The following MYH11 variants were observed in gnomAD, a reference collection of about 807,000 sequenced individuals.
MYH11 encodes the protein myosin-11.
MYH11 carries 80 observed loss-of-function variants against 246.6 expected under a neutral mutation model. The observed-to-expected ratio is 0.32, with a 90% confidence interval of 0.27 to 0.39. The LOEUF (loss-of-function observed/expected upper bound fraction) is 0.39. Ranked by LOEUF, MYH11 falls within the 10% of genes least tolerant of loss-of-function variation. MYH11 has a pLI of 1.00. For missense variants in MYH11, 2,158 were observed against 2,546.8 expected (o/e 0.85, Z 3.29); for synonymous variants, 1,071 against 1,015.5 (o/e 1.05, Z -1.04).
At chr16:15,778,745 G>T in intron 7 of MYH11, 35 bp downstream of exon 7, 4 of 1,604,652 alleles carry the variant, frequency 2.5e-6, no homozygotes, top group Non-Finnish European at 3.4e-6. Context: ...AGGGGGCAGG[G>T]GTACCCATTT....
intron 40 of MYH11, chr16:15,713,408 A>AAAGTGAAAAGCAGCAG (rs897533042): frequency 2.0e-5 from 3 of 152,228 alleles, no homozygotes; most frequent in African/African-American, 7.2e-5. Flanking sequence ...GTTCAAAGAA[A>AAAGTGAAAAGCAGCAG]AAGTGAAAAG....
At chr16:15,735,867 C>T (rs1394660020) in intron 25 of MYH11, among the ~76,000 whole-genome samples, 1 of 152,260 alleles carries the variant, frequency 6.6e-6, no homozygotes, top group Non-Finnish European at 1.5e-5. Flanking sequence ...TGACCCCAGA[C>T]TGGCAAGGTA....
chr16:15,762,996 A>G (rs999762635), intron 10 of MYH11, among the ~76,000 whole-genome samples: 7 of 152,198 alleles, frequency 4.6e-5, no homozygotes, highest in African/African-American at 1.7e-4. Context: ...GCTTCTCAAA[A>G]CACAAAATAC....
At chr16:15,811,109 G>A (rs150378918) in intron 3 of MYH11, among the ~76,000 whole-genome samples, 2 of 152,272 alleles carry the variant, frequency 1.3e-5, no homozygotes, top group Non-Finnish European at 2.9e-5. Context: ...GAGAGACCCA[G>A]AGAGCTAGCA....
intron 3 of MYH11, among the ~76,000 whole-genome samples, chr16:15,814,553 C>CAAAAAAAAAAAAAAAAAAAA (rs58806731): frequency 2.6e-4 from 6 of 22,822 alleles, no homozygotes; most frequent in East Asian, 3.0e-3. Context: ...AACTCCATCT[C>CAAAAAAAAAAAAAAAAAAAA]AAAAAAAAAA....
chr16:15,826,142 GTTCATTCATTCATTCATTCA>G (rs112786889), intron 2 of MYH11, among the ~76,000 whole-genome samples: 1 of 150,920 alleles, frequency 6.6e-6, no homozygotes, highest in Non-Finnish European at 1.5e-5. Flanking sequence ...CTGATCGTTC[GTTCATTCATTCATTCATTCA>G]TTCATTCATT....
rs146695946 is a variant in MYH11, at chr16:15,786,678, C to A, written c.585G>T (p.Leu195=). 2 of 1,614,148 alleles carry A rather than the reference C, an allele frequency of 1.2e-6. No individual in the cohort carries two copies. Among genetic ancestry groups the A allele is most frequent in the Non-Finnish European group, 1.7e-6 (2 of 1,180,034 alleles). Residue 195 remains leucine (L), a synonymous_variant, in exon 5 of 41, where the codon CTG becomes CTT. Transcript: ENST00000300036. The part of the protein sequence containing the change: ...TENTKKVIQY[L]AVVASSHKGK... ...CCTTGTGGGAGGAGGCCACCACGGC[C>A]AGGTACTGAATGACCTTCTTGGTGT...
In MYH11 at chr16:15,813,025, G is replaced by A. The variant is rs557809063; in HGVS notation, c.502+10230C>T. 2.6e-5 allele frequency among the ~76,000 whole-genome samples: 4 copies of A among 152,282 alleles called. No homozygotes were observed. In the South Asian group the frequency reaches 8.3e-4, roughly 32 times the overall value. The stretch of plus-strand genomic sequence containing the variant: ...CTACTAAAAGTACAAAAATTAGCTG[G>A]GCATGGTGGCATGTGCCTGTAATCC... On this transcript the variant is annotated intron_variant, in intron 3 of 40. Coordinates refer to ENST00000300036, the MANE Select transcript of MYH11 (RefSeq NM_002474.3).
rs11130 is a variant in MYH11, at chr16:15,724,453, G to A, written c.4117-44C>T. ...GGGTAGGGTGAGAGGGGGACCATGA[G>A]TGGCCCCTGTCCCTGGCCCCACAGA... On this transcript the variant is annotated intron_variant, in intron 30 of 40. Coordinates refer to ENST00000300036, the MANE Select transcript of MYH11 (RefSeq NM_002474.3). 0.53 allele frequency: 849,171 copies of A among 1,610,702 alleles called. 227,534 individuals are homozygous for A. Among genetic ancestry groups the A allele is most frequent in the Middle Eastern group, 0.66 (3,370 of 5,092 alleles).
intron 9 of MYH11, among the ~76,000 whole-genome samples, chr16:15,767,484 T>A (rs1345091086): frequency 6.6e-6 from 1 of 152,068 alleles, no homozygotes; most frequent in African/African-American, 2.4e-5. Context: ...GGGTTACATT[T>A]ATTTTTTTTT....
rs781137820 is a variant in MYH11 at position 15,727,021 on chromosome 16, G to C, written c.3685C>G (p.Leu1229Val). ...GCCAGGTCTGCGTTCTCTTTCTCCA[G>C]CGTCTGCTTATTCTTGTCTAGGTTC... Reference protein sequence around the residue: ...KANLDKNKQTLEKENADLAGE... With the variant: ...KANLDKNKQTVEKENADLAGE... The change falls in exon 28 of 41, where the codon CTG becomes GTG. Residue 1229 changes from leucine (L) to valine (V), a missense_variant. Physicochemically the swap from Leu to Val is conservative, Grantham distance 32. Around this residue, in one of 11 missense-constraint regions of MYH11, gnomAD observed 1,013 missense variants for 993.5 expected, o/e 1.02. Transcript: ENST00000300036. 1.2e-6 allele frequency: 2 copies of C among 1,611,944 alleles called. No homozygotes were observed. The highest frequency in any genetic ancestry group is 8.5e-7 in the Non-Finnish European group (1 of 1,178,906).
In MYH11 at chr16:15,837,889, G is replaced by T. The variant is rs756232164; in HGVS notation, c.345+19C>A. On this transcript the variant is annotated intron_variant, in intron 2 of 40. Coordinates refer to ENST00000300036, the MANE Select transcript of MYH11 (RefSeq NM_002474.3). ...CTTATGAGGCCAGGAGTAGGTACCT[G>T]GCTGCCTGCAATACTCACATATATT... is the stretch of plus-strand genomic sequence containing the variant. The T allele has an allele frequency of 1.9e-6, 3 of 1,605,136 alleles. No homozygotes were observed. In the Admixed American group the frequency reaches 5.0e-5, roughly 27 times the overall value.
At chr16:15,734,087 G>A (rs912645194) in intron 26 of MYH11, among the ~76,000 whole-genome samples, 1 of 152,210 alleles carries the variant, frequency 6.6e-6, no homozygotes, top group Non-Finnish European at 1.5e-5. Flanking sequence ...GTCAGGATTC[G>A]TGATCTGGCA....
intron 4 of MYH11, among the ~76,000 whole-genome samples, chr16:15,796,091 A>T (rs1319023463): frequency 6.6e-6 from 1 of 152,156 alleles, no homozygotes; most frequent in Non-Finnish European, 1.5e-5. Context: ...AGGTGACGGG[A>T]CCCTGAACTA....
intron 40 of MYH11, among the ~76,000 whole-genome samples, chr16:15,712,335 C>T (rs972135414): frequency 1.1e-4 from 17 of 152,092 alleles, no homozygotes; most frequent in African/African-American, 3.1e-4. Context: ...GTTGAGACCT[C>T]TCACCTAGCG....
intron 3 of MYH11, among the ~76,000 whole-genome samples, chr16:15,802,198 G>A (rs1170835968): frequency 1.3e-5 from 2 of 152,106 alleles, no homozygotes; most frequent in Non-Finnish European, 2.9e-5. Context: ...AAGAGCCACC[G>A]CATTAGGATC....
chr16:15,763,759 C>CCCCCCCCAA, intron 10 of MYH11, 37 bp downstream of exon 10: 2 of 1,151,254 alleles, frequency 1.7e-6, no homozygotes, highest in Non-Finnish European at 2.6e-6. Context: ...CCCCCCAACC[C>CCCCCCCCAA]CAAAGTCATT....
At position 15,747,620 on chromosome 16, in the gene MYH11, G is replaced by A. The variant is rs763003023; in HGVS notation, c.2361C>T (p.Thr787=). The change falls in exon 19 of 41, where the codon ACC becomes ACT. Residue 787 remains threonine, a synonymous_variant. Transcript: ENST00000300036. ...TCGCCTGGAAGGCCATGATGACATC[G>A]GTGATCTTCAAATCTCGCTCCTCCT... ...HLEEERDLKI[T]DVIMAFQAMC... is the part of the protein sequence containing the mutation. The A allele has an allele frequency of 1.7e-5, 27 of 1,613,952 alleles. No homozygotes were observed. The highest frequency in any genetic ancestry group is 6.7e-5 in the Admixed American group (4 of 59,986).
intron 6 of MYH11, chr16:15,779,323 G>A (rs1018409507): frequency 4.0e-6 from 1 of 250,696 alleles, no homozygotes; most frequent in Non-Finnish European, 7.9e-6. Flanking sequence ...ATTTTTTTTT[G>A]TAGAGATAGG....
Sources: gnomAD v4.1 joint callset for allele counts (sites outside exome capture counted in the v4.1 genomes callset) on GRCh38, gnomAD v4.1.1 for gene constraint, gnomAD v4.1.1 regional missense constraint, MANE v1.5 for transcripts, NCBI Gene and HGNC (gene_info 2026-07-23, HGNC 2026-07-21) for gene names.